The following IKZF3 variants were observed in gnomAD, a reference collection of about 807,000 sequenced individuals.
The protein encoded by IKZF3 is IKAROS family zinc finger 3.
A neutral mutation model predicts 49.0 loss-of-function variants in IKZF3; 10 were observed. The observed-to-expected ratio is 0.20, with a 90% CI of 0.13 to 0.35. The LOEUF is 0.35. Among genes scored for constraint, IKZF3 ranks in the 10% least tolerant of loss-of-function variants. The pLI is 1.00. For synonymous variants in IKZF3, 209 were observed against 228.2 expected, an observed-to-expected ratio of 0.92 and a Z score of 0.76; for missense variants, 498 against 664.8, an observed-to-expected ratio of 0.75 and a Z score of 2.76.
At chr17:39,779,593 C>G (rs1376355631) in intron 6 of IKZF3, among the ~76,000 whole-genome samples, 1 of 150,662 alleles carries the variant, frequency 6.6e-6, no homozygotes, top group Non-Finnish European at 1.5e-5. Context: ...AAGGGCCAGA[C>G]AGTAAATTTT....
chr17:39,838,834 G>C (rs929926083), intron 1 of IKZF3, among the ~76,000 whole-genome samples: 11 of 151,938 alleles, frequency 7.2e-5, no homozygotes, highest in Non-Finnish European at 1.6e-4. Context: ...AGGAATCTTT[G>C]TTTTACTTTT....
intron 6 of IKZF3, among the ~76,000 whole-genome samples, chr17:39,786,507 C>T (rs1390413090): frequency 1.3e-5 from 2 of 152,188 alleles, no homozygotes; most frequent in Non-Finnish European, 2.9e-5. Flanking sequence ...GCGAGTACTG[C>T]CTGACTGCCA....
At chr17:39,809,381 G>A (rs1228859867) in intron 3 of IKZF3, among the ~76,000 whole-genome samples, 1 of 152,156 alleles carries the variant, frequency 6.6e-6, no homozygotes, top group Non-Finnish European at 1.5e-5. Flanking sequence ...AATGAGAAAG[G>A]TCACATGTTA....
intron 1 of IKZF3, among the ~76,000 whole-genome samples, chr17:39,846,635 ATTAG>A (rs1395801342): frequency 6.6e-6 from 1 of 151,994 alleles, no homozygotes; most frequent in Non-Finnish European, 1.5e-5. Context: ...TGCTTTACCT[ATTAG>A]TTCAAGTATA....
intron 3 of IKZF3, among the ~76,000 whole-genome samples, chr17:39,819,354 T>C (rs1394104839): frequency 6.6e-6 from 1 of 152,094 alleles, no homozygotes; most frequent in Non-Finnish European, 1.5e-5. Flanking sequence ...ACTCAGAAAC[T>C]GTAACTCAGA....
At chr17:39,832,604 A>C (rs777611446) in intron 1 of IKZF3, among the ~76,000 whole-genome samples, 23 of 152,054 alleles carry the variant, frequency 1.5e-4, no homozygotes, top group Non-Finnish European at 2.8e-4. Context: ...GCTGGAAGTC[A>C]CTATGTTAAG....
intron 1 of IKZF3, among the ~76,000 whole-genome samples, chr17:39,852,097 T>C (rs1033031900): frequency 3.3e-5 from 5 of 152,160 alleles, no homozygotes; most frequent in African/African-American, 1.2e-4. Flanking sequence ...CCCTGCAAAT[T>C]GGGATTTCAA....
At chr17:39,851,183 G>A (rs954760483) in intron 1 of IKZF3, among the ~76,000 whole-genome samples, 1 of 151,310 alleles carries the variant, frequency 6.6e-6, no homozygotes, top group African/African-American at 2.4e-5. Flanking sequence ...ACATGACTAG[G>A]CCTGGCTGAT....
At chr17:39,787,955 G>A (rs1020162120) in intron 6 of IKZF3, among the ~76,000 whole-genome samples, 1 of 152,164 alleles carries the variant, frequency 6.6e-6, no homozygotes, top group Non-Finnish European at 1.5e-5. Context: ...TTGTGCCCCA[G>A]GGCCTTTGCT....
chr17:39,857,959 A>T (rs1033077361), intron 1 of IKZF3, among the ~76,000 whole-genome samples: 4 of 149,996 alleles, frequency 2.7e-5, no homozygotes, highest in Non-Finnish European at 4.4e-5. Context: ...TCATCTCAAA[A>T]ATTAAAAAAA....
chr17:39,815,528 T>C (rs1423286137), intron 3 of IKZF3, among the ~76,000 whole-genome samples: 4 of 152,218 alleles, frequency 2.6e-5, no homozygotes, highest in African/African-American at 9.6e-5. Flanking sequence ...TAATATTCTT[T>C]CTCATGATAT....
intron 3 of IKZF3, among the ~76,000 whole-genome samples, chr17:39,824,663 T>C (rs973302701): frequency 4.6e-5 from 7 of 151,854 alleles, no homozygotes; most frequent in African/African-American, 7.3e-5. Flanking sequence ...GGTCTTGTGA[T>C]AGTGAGTGAG....
rs568181483 is a variant in IKZF3 at position 39,857,287 on chromosome 17, T to C, written c.7+6833A>G. ...TTGTGAGAGTGATCTTTTTCTCATATCCACAAACTCCTAGAGGAAATTGTT... is the reference window on the plus strand; with the variant it reads ...TTGTGAGAGTGATCTTTTTCTCATACCCACAAACTCCTAGAGGAAATTGTT... On this transcript the variant is annotated intron_variant, in intron 1 of 7. Transcript: ENST00000346872. Among the ~76,000 whole-genome samples the C allele has an allele frequency of 5.9e-5, 9 of 152,354 alleles. No homozygotes were observed. In the East Asian group the frequency reaches 1.7e-3, roughly 29 times the overall value.
At chr17:39,849,810 A>G (rs186060899) in intron 1 of IKZF3, among the ~76,000 whole-genome samples, 194 of 152,046 alleles carry the variant, frequency 1.3e-3, no homozygotes, top group Middle Eastern at 0.01. Flanking sequence ...CCACAATGAA[A>G]TACCACTCAC....
intron 6 of IKZF3, among the ~76,000 whole-genome samples, chr17:39,787,404 T>C (rs541703566): frequency 6.6e-6 from 1 of 152,322 alleles, no homozygotes; most frequent in South Asian, 2.1e-4. Context: ...AATAGAAGCA[T>C]CACAATAAAT....
chr17:39,788,960 C>T (rs1003649599), intron 5 of IKZF3, among the ~76,000 whole-genome samples: 6 of 152,028 alleles, frequency 3.9e-5, no homozygotes, highest in Non-Finnish European at 8.8e-5. Flanking sequence ...GTTTTTGAGA[C>T]AGGGTCTCAC....
chr17:39,782,345 A>G, intron 6 of IKZF3, among the ~76,000 whole-genome samples: 1 of 151,994 alleles, frequency 6.6e-6, no homozygotes, highest in Non-Finnish European at 1.5e-5. Flanking sequence ...GGGAGCTATG[A>G]TCTTGCCACT....
intron 3 of IKZF3, among the ~76,000 whole-genome samples, chr17:39,824,098 C>A (rs573832152): frequency 2.6e-5 from 4 of 152,308 alleles, no homozygotes; most frequent in Non-Finnish European, 4.4e-5. Context: ...CTGTACCCTG[C>A]AAAGCCACAG....
chr17:39,829,390 C>T lies in IKZF3; in HGVS notation c.160G>A (p.Gly54Arg), dbSNP rs753085258. Residue 54 changes from glycine (G) to arginine (R), a missense_variant, in exon 3 of 8, where the codon GGA becomes AGA. Physicochemically the swap from Gly to Arg is moderately radical, Grantham distance 125 (BLOSUM62 -2). Transcript: ENST00000346872. ...TAGTCTGCACACTACGGCTCACCTC[C>T]TATGTCTTCATCTTCATTGGCTGGG... ...EGPANEDEDI[G>R]DDSMKVKDEY... 21 of 1,610,254 alleles carry T rather than the reference C, an allele frequency of 1.3e-5. No homozygotes were observed. The highest frequency in any genetic ancestry group is 1.7e-5 in the Non-Finnish European group (20 of 1,176,578).
Sources: allele counts gnomAD v4.1 joint callset (sites outside exome capture counted in the v4.1 genomes callset), GRCh38; gene constraint gnomAD v4.1.1; transcripts MANE v1.5; gene names NCBI Gene and HGNC (gene_info 2026-07-23, HGNC 2026-07-21).